The following NCAM2 variants were observed in gnomAD, a reference collection of about 807,000 sequenced individuals.
The protein encoded by NCAM2 is N-CAM-2.
A neutral mutation model predicts 98.1 loss-of-function variants in NCAM2; 30 were observed. The ratio of observed to expected loss-of-function variants is 0.31; its 90% confidence interval spans 0.23 to 0.41. The LOEUF (loss-of-function observed/expected upper bound fraction) is 0.41. NCAM2 is among the 10% of genes least tolerant of loss of function. The pLI, the probability that NCAM2 is intolerant of heterozygous loss-of-function variation, is 1.00. For synonymous variants in NCAM2, 368 were observed against 342.4 expected (o/e 1.07, Z -0.83); for missense variants, 867 against 1,005.8 (o/e 0.86, Z 1.87).
intron 1 of NCAM2, among the ~76,000 whole-genome samples, chr21:21,002,326 G>A (rs150825764): frequency 1.7e-4 from 26 of 152,202 alleles, no homozygotes; most frequent in Non-Finnish European, 3.4e-4. Flanking sequence ...TTTTCTCCCC[G>A]AGGTACTGTC....
chr21:21,527,998 C>G (rs1252043007), intron 16 of NCAM2, among the ~76,000 whole-genome samples: 14 of 152,150 alleles, frequency 9.2e-5, no homozygotes. Flanking sequence ...CAGCAATGGG[C>G]TGTTATTCAG....
intron 1 of NCAM2, among the ~76,000 whole-genome samples, chr21:21,186,319 G>A (rs1335348140): frequency 6.6e-6 from 1 of 152,072 alleles, no homozygotes; most frequent in African/African-American, 2.4e-5. Context: ...ATTATAAAAT[G>A]TGATGGCTAT....
intron 8 of NCAM2, among the ~76,000 whole-genome samples, chr21:21,353,574 T>A (rs1215557126): frequency 6.6e-6 from 1 of 152,164 alleles, no homozygotes; most frequent in Non-Finnish European, 1.5e-5. Flanking sequence ...CTCAGGCCAC[T>A]CTTAAGTGAT....
intron 9 of NCAM2, among the ~76,000 whole-genome samples, chr21:21,403,740 A>G (rs577293259): frequency 8.5e-5 from 13 of 152,308 alleles, no homozygotes; most frequent in African/African-American, 3.1e-4. Flanking sequence ...TTTGAAAGTG[A>G]AGGTAGAATA....
At chr21:21,362,204 C>T (rs926693496) in intron 8 of NCAM2, among the ~76,000 whole-genome samples, 2 of 152,022 alleles carry the variant, frequency 1.3e-5, no homozygotes, top group African/African-American at 4.8e-5. Context: ...TGCATCCACC[C>T]TTGTGCCTGT....
chr21:21,086,012 G>A (rs1187763097), intron 1 of NCAM2, among the ~76,000 whole-genome samples: 7 of 152,102 alleles, frequency 4.6e-5, no homozygotes. Context: ...TTTATTTAAA[G>A]GAAAGTATTA....
At chr21:21,293,692 T>C (rs1426957050) in intron 5 of NCAM2, among the ~76,000 whole-genome samples, 1 of 151,860 alleles carries the variant, frequency 6.6e-6, no homozygotes, top group Non-Finnish European at 1.5e-5. Flanking sequence ...AATATGTAAC[T>C]CTTTCTCTTT....
At chr21:21,355,308 A>C (rs1367868073) in intron 8 of NCAM2, among the ~76,000 whole-genome samples, 1 of 150,966 alleles carries the variant, frequency 6.6e-6, no homozygotes, top group Non-Finnish European at 1.5e-5. Flanking sequence ...GGTGGTGTGC[A>C]CCTGTAGTTC....
At chr21:21,080,405 T>C (rs1034594153) in intron 1 of NCAM2, among the ~76,000 whole-genome samples, 1 of 151,886 alleles carries the variant, frequency 6.6e-6, no homozygotes, top group African/African-American at 2.4e-5. Context: ...TCACCTGAGG[T>C]AGGGAGTTCA....
chr21:21,032,485 A>G (rs8128668), intron 1 of NCAM2, among the ~76,000 whole-genome samples: 29,333 of 152,110 alleles, frequency 0.19, 3,053 homozygotes, highest in Non-Finnish European at 0.24. Context: ...AGCAAATGTT[A>G]TTGTAATTGC....
In NCAM2 at chr21:21,344,975, G is replaced by T. The variant is rs560803489; in HGVS notation, c.1044+6441G>T. ...GAGAAAGTAAGGGAAGAGAACAAGA[G>T]TCTCTGCCTGGTAATACAGATAATT... On this transcript the variant is annotated intron_variant, in intron 8 of 17. Transcript: ENST00000400546. Among the ~76,000 whole-genome samples, 4 of 152,258 alleles carry T rather than the reference G, an allele frequency of 2.6e-5. No homozygotes were observed. In the East Asian group the frequency reaches 7.8e-4, roughly 30 times the overall value.
chr21:21,070,140 G>T (rs994849932), intron 1 of NCAM2, among the ~76,000 whole-genome samples: 4 of 151,996 alleles, frequency 2.6e-5, no homozygotes, highest in African/African-American at 7.2e-5. Context: ...AGAACCAGGA[G>T]AAACTTATAA....
intron 5 of NCAM2, among the ~76,000 whole-genome samples, 181 bp downstream of exon 5, chr21:21,292,422 T>C (rs2073331696): frequency 6.6e-6 from 1 of 151,894 alleles, no homozygotes; most frequent in Non-Finnish European, 1.5e-5. Flanking sequence ...CAAGGCAGGA[T>C]CCATGACTTA....
chr21:21,279,899 T>C (rs1443995670), intron 1 of NCAM2, among the ~76,000 whole-genome samples: 1 of 152,232 alleles, frequency 6.6e-6, no homozygotes, highest in Non-Finnish European at 1.5e-5. Flanking sequence ...TTTTCTACCA[T>C]ATTGTTAGAA....
intron 1 of NCAM2, among the ~76,000 whole-genome samples, chr21:21,055,098 C>T (rs1954451284): frequency 6.6e-6 from 1 of 151,978 alleles, no homozygotes; most frequent in African/African-American, 2.4e-5. Flanking sequence ...TCTTAATTTT[C>T]AGACAACCTT....
intron 6 of NCAM2, among the ~76,000 whole-genome samples, chr21:21,331,527 A>C (rs1211102849): frequency 1.6e-4 from 4 of 24,902 alleles, no homozygotes; most frequent in African/African-American, 5.3e-4. Context: ...CTATATATAT[A>C]TATATATACT....
chr21:21,360,801 A>T (rs2075625786), intron 8 of NCAM2, among the ~76,000 whole-genome samples: 1 of 151,976 alleles, frequency 6.6e-6, no homozygotes, highest in South Asian at 2.1e-4. Context: ...ATCCCACAGT[A>T]ATTTTAAGTG....
At chr21:21,478,556 C>A (rs1360417220) in intron 15 of NCAM2, among the ~76,000 whole-genome samples, 2 of 150,942 alleles carry the variant, frequency 1.3e-5, no homozygotes, top group Admixed American at 6.6e-5. Flanking sequence ...TATGATTAAT[C>A]TTTCAATTAA....
intron 1 of NCAM2, among the ~76,000 whole-genome samples, chr21:21,141,234 A>T (rs1207581497): frequency 6.6e-6 from 1 of 152,320 alleles, no homozygotes; most frequent in East Asian, 1.9e-4. Flanking sequence ...AACAAACTTG[A>T]TATGATGAAA....
Sources: allele counts gnomAD v4.1 joint callset (sites outside exome capture counted in the v4.1 genomes callset), GRCh38; gene constraint gnomAD v4.1.1; transcripts MANE v1.5; gene names NCBI Gene and HGNC (gene_info 2026-07-23, HGNC 2026-07-21).